Variants in PKP4 observed in about 807,000 individuals in gnomAD.
The protein encoded by PKP4 is plakophilin-4.
PKP4 carries 90 observed loss-of-function variants against 145.1 expected under a neutral mutation model. The ratio of observed to expected loss-of-function variants is 0.62; its 90% CI spans 0.52 to 0.74. PKP4 has a LOEUF of 0.74. Ranked by LOEUF, PKP4 falls within the 30% of genes least tolerant of loss-of-function variation. The pLI is 0.00. For synonymous variants in PKP4, 563 were observed against 577.2 expected (o/e 0.98, Z 0.35); for missense variants, 1,340 against 1,482.7 (o/e 0.90, Z 1.58).
intron 2 of PKP4, among the ~76,000 whole-genome samples, chr2:158,558,181 A>G (rs933379728): frequency 3.9e-5 from 6 of 152,220 alleles, no homozygotes; most frequent in African/African-American, 1.4e-4. Context: ...AGGCACAATT[A>G]CAGAGATATC....
Position 158,631,870 on chromosome 2 carries a change from T to C in PKP4, c.1271T>C (p.Val424Ala), listed in dbSNP as rs1356189421. The part of the protein sequence containing the change: ...IYEGRTYYSP[V>A]YRSPNHGTVE... ...GAGGGGAGGACCTATTACAGCCCAG[T>C]GTACCGCAGCCCAAACCATGGAACT... The change falls in exon 8 of 22, where the codon GTG (valine) becomes GCG (alanine). Residue 424 changes from valine (V) to alanine (A), a missense_variant. Coordinates refer to ENST00000389759, the MANE Select transcript of PKP4 (RefSeq NM_003628.6). 1 of 1,614,174 alleles carries C rather than the reference T, an allele frequency of 6.2e-7. No homozygotes were observed. The highest frequency in any genetic ancestry group is 2.2e-5 in the East Asian group (1 of 44,886).
chr2:158,469,781 A>G (rs1691261313), intron 1 of PKP4, among the ~76,000 whole-genome samples: 1 of 152,132 alleles, frequency 6.6e-6, no homozygotes, highest in Non-Finnish European at 1.5e-5. Flanking sequence ...TAAGGATTTG[A>G]TCCATTTTCT....
At chr2:158,465,207 A>G (rs557981528) in intron 1 of PKP4, among the ~76,000 whole-genome samples, 1 of 152,334 alleles carries the variant, frequency 6.6e-6, no homozygotes, top group South Asian at 2.1e-4. Context: ...ATTGTTTCAT[A>G]AGTATTAAGG....
intron 2 of PKP4, among the ~76,000 whole-genome samples, chr2:158,573,951 A>T (rs1209081501): frequency 6.6e-6 from 1 of 152,264 alleles, no homozygotes; most frequent in Non-Finnish European, 1.5e-5. Context: ...GCTGATGACC[A>T]CAGGCCACCT....
intron 2 of PKP4, among the ~76,000 whole-genome samples, chr2:158,551,184 A>T (rs2045591086): frequency 1.3e-5 from 2 of 152,234 alleles, no homozygotes; most frequent in African/African-American, 4.8e-5. Context: ...CTTTGGGTCA[A>T]CTTTATAAAA....
At chr2:158,678,503 A>T in intron 20 of PKP4, 78 bp from the exon 21 acceptor site, 1 of 960,290 alleles carries the variant, frequency 1.0e-6, no homozygotes, top group Non-Finnish European at 1.7e-6. Flanking sequence ...TGCTAGCCCT[A>T]GTGCAGGGGA....
intron 2 of PKP4, among the ~76,000 whole-genome samples, chr2:158,541,097 TC>T (rs1464263092): frequency 2.0e-5 from 3 of 152,184 alleles, no homozygotes; most frequent in African/African-American, 7.2e-5. Context: ...TGATCGTTTT[TC>T]TTTTTAGAAT....
At chr2:158,641,443 G>A (rs2054275943) in intron 10 of PKP4, among the ~76,000 whole-genome samples, 1 of 152,106 alleles carries the variant, frequency 6.6e-6, no homozygotes, top group Admixed American at 6.5e-5. Context: ...AAGTTATAGA[G>A]GATTATAACC....
At chr2:158,613,725 C>G (rs943010675) in intron 4 of PKP4, among the ~76,000 whole-genome samples, 2 of 152,106 alleles carry the variant, frequency 1.3e-5, no homozygotes, top group African/African-American at 4.8e-5. Context: ...TCTTAGCAAC[C>G]CTGAAAGTTG....
chr2:158,466,840 C>T (rs1573936264), intron 1 of PKP4, among the ~76,000 whole-genome samples: 1 of 152,180 alleles, frequency 6.6e-6, no homozygotes, highest in African/African-American at 2.4e-5. Flanking sequence ...CAATCAAGCA[C>T]CAAGACTAAG....
intron 1 of PKP4, among the ~76,000 whole-genome samples, chr2:158,496,618 G>C (rs1012493824): frequency 6.6e-6 from 1 of 152,100 alleles, no homozygotes; most frequent in Non-Finnish European, 1.5e-5. Flanking sequence ...CTTGTCTTTT[G>C]TCTCTCCAGA....
chr2:158,516,753 G>A (rs1182140705), intron 1 of PKP4, among the ~76,000 whole-genome samples: 1 of 151,708 alleles, frequency 6.6e-6, no homozygotes, highest in Non-Finnish European at 1.5e-5. Flanking sequence ...TCTGCCTTCC[G>A]GGTTCAAGCG....
At chr2:158,545,417 AC>A (rs2044927277) in intron 2 of PKP4, among the ~76,000 whole-genome samples, 2 of 152,146 alleles carry the variant, frequency 1.3e-5, no homozygotes, top group South Asian at 4.1e-4. Context: ...TAAGTCATAA[AC>A]CGCTGAAGGT....
At chr2:158,592,513 C>A (rs1046556731) in intron 3 of PKP4, among the ~76,000 whole-genome samples, 2 of 152,040 alleles carry the variant, frequency 1.3e-5, no homozygotes, top group African/African-American at 2.4e-5. Context: ...AGAAACCTTT[C>A]TTTTTCAAAA....
In PKP4 at chr2:158,515,151, G is replaced by A. The variant is rs188067973; in HGVS notation, c.-5-18029G>A. Among the ~76,000 whole-genome samples, 101 of 152,278 alleles carry A rather than the reference G, an allele frequency of 6.6e-4. 1 individual carries two copies. The Middle Eastern group carries it at 0.02, about 31-fold the overall frequency. ...AGGCTAATTGTTGTATAACCCAGAT[G>A]GGGGAATTTATCTGTGCAACCAAAG... is the stretch of plus-strand genomic sequence containing the variant. On this transcript the variant is annotated intron_variant, in intron 1 of 21. Transcript: ENST00000389759.
At chr2:158,662,038 G>A (rs1030662184) in intron 13 of PKP4, among the ~76,000 whole-genome samples, 1 of 152,158 alleles carries the variant, frequency 6.6e-6, no homozygotes, top group African/African-American at 2.4e-5. Context: ...CCTGGGGGCC[G>A]AGGAAAGTGG....
intron 1 of PKP4, among the ~76,000 whole-genome samples, chr2:158,524,337 T>G (rs2042738760): frequency 3.4e-5 from 1 of 29,718 alleles, no homozygotes; most frequent in Non-Finnish European, 6.8e-5. Flanking sequence ...TCAACATTCT[T>G]AAAGAAAAGA....
intron 11 of PKP4, among the ~76,000 whole-genome samples, chr2:158,657,682 A>G (rs2056123531): frequency 1.3e-5 from 2 of 152,248 alleles, no homozygotes; most frequent in African/African-American, 4.8e-5. Context: ...TTTCAAGAAA[A>G]AGAAATATTT....
rs553568684 is a variant in PKP4, at chr2:158,633,461, C to T, written c.1343-609C>T. Among the ~76,000 whole-genome samples the T allele has an allele frequency of 2.6e-5, 4 of 152,346 alleles. No individual in the cohort carries two copies. The South Asian group carries it at 6.2e-4, about 24-fold the overall frequency. ...GTACACTGGACAAAGGGATTATTCA[C>T]GTCCCAGTGGGATCACAGCTGAATG... On this transcript the variant is annotated intron_variant, in intron 8 of 21. Coordinates refer to ENST00000389759, the MANE Select transcript of PKP4 (RefSeq NM_003628.6).
Sources: allele counts gnomAD v4.1 joint callset (sites outside exome capture counted in the v4.1 genomes callset), GRCh38; gene constraint gnomAD v4.1.1; transcripts MANE v1.5; gene names NCBI Gene and HGNC (gene_info 2026-07-23, HGNC 2026-07-21).